WWC2: variants seen among roughly 807,000 people sequenced by gnomAD.
The protein encoded by WWC2 is protein WWC2.
WWC2 carries 101 observed loss-of-function variants against 138.5 expected under a neutral mutation model. The ratio of observed to expected loss-of-function variants is 0.73; its 90% CI spans 0.62 to 0.86. The LOEUF (loss-of-function observed/expected upper bound fraction) is 0.86. WWC2 is among the 40% of genes least tolerant of loss of function. WWC2 has a pLI of 0.00. For missense variants in WWC2, 1,420 were observed against 1,419.4 expected, an observed-to-expected ratio of 1.00 and a Z score of -0.01; for synonymous variants, 558 against 538.4, an observed-to-expected ratio of 1.04 and a Z score of -0.50.
intron 4 of WWC2, among the ~76,000 whole-genome samples, chr4:183,226,091 TTTTC>T (rs1242051323): frequency 1.3e-4 from 17 of 131,240 alleles, no homozygotes; most frequent in African/African-American, 4.3e-4. Context: ...TTTTCTTTTC[TTTTC>T]TTTTTTTTTT....
At chr4:183,163,411 A>G (rs1015698324) in intron 1 of WWC2, among the ~76,000 whole-genome samples, 15 of 152,232 alleles carry the variant, frequency 9.9e-5, no homozygotes, top group African/African-American at 3.6e-4. Context: ...CACAGGGGAT[A>G]GTAAGAACAG....
intron 21 of WWC2, among the ~76,000 whole-genome samples, chr4:183,290,844 G>A (rs1373099545): frequency 6.6e-6 from 1 of 152,178 alleles, no homozygotes; most frequent in Non-Finnish European, 1.5e-5. Flanking sequence ...ACCCAGAGTT[G>A]TTATTTGATC....
At chr4:183,250,024 C>G in intron 8 of WWC2, 31 bp downstream of exon 8, 1 of 1,580,600 alleles carries the variant, frequency 6.3e-7, no homozygotes, top group Non-Finnish European at 8.7e-7. Context: ...TTGTGCATGG[C>G]TCAAACATTT....
chr4:183,157,687 A>G (rs1265465207), intron 1 of WWC2, among the ~76,000 whole-genome samples: 1 of 151,764 alleles, frequency 6.6e-6, no homozygotes, highest in Non-Finnish European at 1.5e-5. Flanking sequence ...TTTTTTAGTA[A>G]AGAAGGGGTT....
intron 2 of WWC2, among the ~76,000 whole-genome samples, chr4:183,195,179 CT>C (rs1172171352): frequency 6.6e-6 from 1 of 152,270 alleles, no homozygotes; most frequent in East Asian, 1.9e-4. Context: ...GTGTCTCACC[CT>C]TATGTCATTG....
chr4:183,285,563 C>T (rs1738219360), intron 19 of WWC2, among the ~76,000 whole-genome samples: 1 of 152,110 alleles, frequency 6.6e-6, no homozygotes, highest in Non-Finnish European at 1.5e-5. Flanking sequence ...AAGTTCGAGG[C>T]CAGCCTGGCC....
At position 183,268,691 on chromosome 4, in the gene WWC2, A is replaced by T. The variant is rs189603779; in HGVS notation, c.2208-280A>T. ...GACGTTAAATTCGTCTGCCCTACGG[A>T]TTTTCTTCCTCTTCACTTTCCTATC... On this transcript the variant is annotated intron_variant, in intron 14 of 22. Transcript: ENST00000403733. 3.6e-3 allele frequency among the ~76,000 whole-genome samples: 546 copies of T among 152,004 alleles called. 2 individuals are homozygous for T. The highest frequency in any genetic ancestry group is 0.013 in the African/African-American group (529 of 41,476).
chr4:183,206,089 C>T (rs1388673730), intron 2 of WWC2, among the ~76,000 whole-genome samples: 1 of 152,134 alleles, frequency 6.6e-6, no homozygotes, highest in Non-Finnish European at 1.5e-5. Flanking sequence ...TTGAGTTACC[C>T]CTCTTTGCAC....
intron 21 of WWC2, among the ~76,000 whole-genome samples, chr4:183,307,691 C>G (rs1158934408): frequency 6.6e-6 from 1 of 152,142 alleles, no homozygotes; most frequent in Non-Finnish European, 1.5e-5. Flanking sequence ...CTAAAAATAA[C>G]TCCCAGCAAA....
intron 18 of WWC2, 141 bp from the exon 19 acceptor site, chr4:183,284,085 T>G (rs1236840083): frequency 1.1e-6 from 1 of 932,700 alleles, no homozygotes; most frequent in Non-Finnish European, 1.6e-6. Flanking sequence ...TAGTCTGTAA[T>G]GCAAAGCCTT....
intron 20 of WWC2, among the ~76,000 whole-genome samples, chr4:183,286,784 A>G (rs569543098): frequency 2.0e-5 from 3 of 152,296 alleles, no homozygotes; most frequent in Non-Finnish European, 2.9e-5. Context: ...TCAGGAGTCC[A>G]TGGTCTAGAG....
chr4:183,259,612 T>C, intron 9 of WWC2, 27 bp from the exon 10 acceptor site: 1 of 1,442,546 alleles, frequency 6.9e-7, no homozygotes, highest in Non-Finnish European at 9.4e-7. Context: ...GTTATAATCA[T>C]TTGAAAATAA....
chr4:183,146,912 C>G (rs1021092991), intron 1 of WWC2, among the ~76,000 whole-genome samples: 2 of 152,180 alleles, frequency 1.3e-5, no homozygotes, highest in Non-Finnish European at 2.9e-5. Context: ...TGGGAGGGTA[C>G]TGCATAGATC....
rs1400381882 is a variant in WWC2 at position 183,293,464 on chromosome 4, G to A, written c.3384+3829G>A. Among the ~76,000 whole-genome samples the A allele has an allele frequency of 2.0e-5, 3 of 152,192 alleles. No homozygotes were observed. In the East Asian group the frequency reaches 5.8e-4, roughly 29 times the overall value. On this transcript the variant is annotated intron_variant, in intron 21 of 22. Transcript: ENST00000403733. ...CATGTTTAAAAATCCCAGTAAGTTA[G>A]AGACAGGAAGCTCCTCACCTTGATA...
Position 183,320,670 on chromosome 4 carries a change from T to C in WWC2, c.*4941T>C, listed in dbSNP as rs893671363. The C allele has an allele frequency of 1.1e-4, 20 of 188,020 alleles. No homozygotes were observed. Among genetic ancestry groups the C allele is most frequent in the Non-Finnish European group, 1.5e-4 (12 of 79,298 alleles). The allele number at this position is 188,020 out of a possible 1,614,324, so 11.6% of individuals were successfully genotyped here. On this transcript the variant is annotated 3_prime_UTR_variant, in exon 23 of 23. Coordinates refer to ENST00000403733, the MANE Select transcript of WWC2 (RefSeq NM_024949.6). ...GCACCTGTCAGATTTTCATCTCTTA[T>C]AGTTCTCACATTTCAAATGTGCATG...
At chr4:183,128,384 C>T (rs182832251) in intron 1 of WWC2, among the ~76,000 whole-genome samples, 63 of 151,906 alleles carry the variant, frequency 4.1e-4, no homozygotes, top group African/African-American at 1.5e-3. Flanking sequence ...TGTGGTGGCA[C>T]ATGCCTGTAG....
chr4:183,188,659 TTTTGA>T (rs1734890423), intron 1 of WWC2, among the ~76,000 whole-genome samples: 1 of 149,834 alleles, frequency 6.7e-6, no homozygotes, highest in Non-Finnish European at 1.5e-5. Context: ...TTTTTTTTTT[TTTTGA>T]GACGAAGTCT....
At chr4:183,184,506 T>C (rs1326304610) in intron 1 of WWC2, among the ~76,000 whole-genome samples, 2 of 152,202 alleles carry the variant, frequency 1.3e-5, no homozygotes, top group African/African-American at 4.8e-5. Flanking sequence ...AGAAGTAGTA[T>C]TGTGGGATCA....
intron 1 of WWC2, among the ~76,000 whole-genome samples, chr4:183,175,075 C>G (rs1229207941): frequency 6.6e-6 from 1 of 151,996 alleles, no homozygotes; most frequent in Non-Finnish European, 1.5e-5. Flanking sequence ...TATTATGACC[C>G]TTCTCTCCTA....
Sources: gnomAD v4.1 joint callset for allele counts (sites outside exome capture counted in the v4.1 genomes callset) on GRCh38, gnomAD v4.1.1 for gene constraint, MANE v1.5 for transcripts, NCBI Gene and HGNC (gene_info 2026-07-23, HGNC 2026-07-21) for gene names.